Variants in TRPC6 observed in about 807,000 individuals in gnomAD.
TRPC6 encodes the protein short transient receptor potential channel 6.
TRPC6 carries 55 observed loss-of-function variants against 90.7 expected under a neutral mutation model. The observed-to-expected ratio is 0.61, with a 90% CI of 0.49 to 0.76. The LOEUF is 0.76. Ranked by LOEUF, TRPC6 falls within the 30% of genes least tolerant of loss-of-function variation. TRPC6 has a pLI of 0.00. For missense variants in TRPC6, 989 were observed against 1,122.7 expected, an observed-to-expected ratio of 0.88 and a Z score of 1.70; for synonymous variants, 393 against 393.0, an observed-to-expected ratio of 1.00 and a Z score of 0.00.
At chr11:101,494,709 C>T (rs778594500) in intron 2 of TRPC6, among the ~76,000 whole-genome samples, 1 of 152,034 alleles carries the variant, frequency 6.6e-6, no homozygotes, top group Non-Finnish European at 1.5e-5. Context: ...AAAGCAGAAC[C>T]CACATGGACT....
chr11:101,505,179 G>A (rs1465085966), intron 1 of TRPC6, among the ~76,000 whole-genome samples: 1 of 152,150 alleles, frequency 6.6e-6, no homozygotes, highest in Non-Finnish European at 1.5e-5. Flanking sequence ...TACATTTTAA[G>A]AAGTAGAGAC....
chr11:101,563,446 T>C (rs937174738), intron 1 of TRPC6, among the ~76,000 whole-genome samples: 1 of 152,138 alleles, frequency 6.6e-6, no homozygotes, highest in Admixed American at 6.5e-5. Flanking sequence ...GATAGAAAAC[T>C]GAAGCTTAAG....
At position 101,469,920 on chromosome 11, in the gene TRPC6, T is replaced by C. The variant is rs148127012; in HGVS notation, c.2410-419A>G. Among the ~76,000 whole-genome samples the C allele has an allele frequency of 2.5e-3, 380 of 152,332 alleles. 2 individuals are homozygous for C. Among genetic ancestry groups the C allele is most frequent in the African/African-American group, 8.8e-3 (367 of 41,584 alleles). ...TGAGTTGATCTTCAGGATGTAGATATAATTTTTTTCACATATTACAGTTGA... is the reference window on the plus strand; with the variant it reads ...TGAGTTGATCTTCAGGATGTAGATACAATTTTTTTCACATATTACAGTTGA... On this transcript the variant is annotated intron_variant, in intron 9 of 12. Coordinates refer to ENST00000344327, the MANE Select transcript of TRPC6 (RefSeq NM_004621.6).
In TRPC6 at chr11:101,483,924, G is replaced by T. The variant is rs139881068; in HGVS notation, c.1294-759C>A. The stretch of plus-strand genomic sequence containing the variant: ...GTACACGATTCATCTCTGTCTAAGA[G>T]GTACAGATCTTCACCTAGGCAGAGT... On this transcript the variant is annotated intron_variant, in intron 4 of 12. Coordinates refer to ENST00000344327, the MANE Select transcript of TRPC6 (RefSeq NM_004621.6). Among the ~76,000 whole-genome samples the T allele has an allele frequency of 5.3e-3, 813 of 152,224 alleles. 3 individuals are homozygous for T. The highest frequency in any genetic ancestry group is 0.019 in the African/African-American group (774 of 41,516).
chr11:101,551,759 A>G (rs1040665261), intron 1 of TRPC6, among the ~76,000 whole-genome samples: 1 of 152,104 alleles, frequency 6.6e-6, no homozygotes, highest in Non-Finnish European at 1.5e-5. Context: ...GATCCAAACT[A>G]TATTTTCAAG....
intron 1 of TRPC6, among the ~76,000 whole-genome samples, chr11:101,573,695 AT>A (rs1862011530): frequency 6.6e-6 from 1 of 152,174 alleles, no homozygotes; most frequent in South Asian, 2.1e-4. Context: ...TGTAAGACAC[AT>A]ATTTCTCCCA....
chr11:101,560,420 A>G (rs1246938258), intron 1 of TRPC6, among the ~76,000 whole-genome samples: 1 of 151,970 alleles, frequency 6.6e-6, no homozygotes, highest in Non-Finnish European at 1.5e-5. Context: ...TATGTCCCCA[A>G]CCCTCCTTTA....
At chr11:101,473,938 AGTT>A (rs1234223695) in intron 6 of TRPC6, among the ~76,000 whole-genome samples, 165 bp from the exon 7 acceptor site, 1 of 152,148 alleles carries the variant, frequency 6.6e-6, no homozygotes, top group Non-Finnish European at 1.5e-5. Context: ...TGAGCTTCTT[AGTT>A]TATTGAGAAC....
intron 1 of TRPC6, among the ~76,000 whole-genome samples, chr11:101,533,010 A>G (rs1174049820): frequency 6.6e-6 from 1 of 152,164 alleles, no homozygotes; most frequent in Admixed American, 6.5e-5. Context: ...GACATTCAAC[A>G]GTGCCATGGT....
intron 1 of TRPC6, among the ~76,000 whole-genome samples, chr11:101,575,541 C>T (rs4406798): frequency 0.35 from 53,143 of 151,960 alleles, 10,123 homozygotes; most frequent in Non-Finnish European, 0.44. Flanking sequence ...GTTTGTGATA[C>T]GGATTAAATG....
At chr11:101,563,396 C>G (rs1861757582) in intron 1 of TRPC6, among the ~76,000 whole-genome samples, 1 of 152,128 alleles carries the variant, frequency 6.6e-6, no homozygotes. Flanking sequence ...ACGTGTCTGT[C>G]TTTTCCCATG....
At position 101,504,812 on chromosome 11, in the gene TRPC6, GAA is replaced by G; in HGVS notation, c.171-16_171-15del. On this transcript the variant is annotated splice_polypyrimidine_tract_variant and intron_variant, in intron 1 of 12. Coordinates refer to ENST00000344327, the MANE Select transcript of TRPC6 (RefSeq NM_004621.6). ...TCAGATCCCCGGCTGCAATAAAACA[GAA>G]AGATTGTAAACAAATCACATTAAGA... is the stretch of plus-strand genomic sequence containing the variant. The G allele has an allele frequency of 6.2e-7, 1 of 1,611,256 alleles. No homozygotes were observed. The highest frequency in any genetic ancestry group is 8.5e-7 in the Non-Finnish European group (1 of 1,178,850).
At position 101,452,329 on chromosome 11, in the gene TRPC6, A is replaced by AG. The variant is rs1858781972; in HGVS notation, c.*625dup. 6.5e-6 allele frequency: 1 copy of AG among 153,360 alleles called. No individual in the cohort carries two copies. Among genetic ancestry groups the AG allele is most frequent in the African/African-American group, 2.4e-5 (1 of 41,448 alleles). 9.5% of individuals were successfully genotyped at this position (153,360 alleles called of 1,614,324 possible). A position where few individuals can be genotyped will look rare whatever the true frequency, so the allele number is the denominator to read the frequency against. On this transcript the variant is annotated 3_prime_UTR_variant, in exon 13 of 13. Coordinates refer to ENST00000344327, the MANE Select transcript of TRPC6 (RefSeq NM_004621.6). ...GGACCATGTTTCCAGGGTTCAGTGGAGGAAAAACTTTTTTCATTGTTAAGT... is the reference window on the plus strand; with the variant it reads ...GGACCATGTTTCCAGGGTTCAGTGGAGGGAAAAACTTTTTTCATTGTTAAGT...
intron 5 of TRPC6, among the ~76,000 whole-genome samples, chr11:101,479,003 T>G (rs918109001): frequency 1.3e-5 from 2 of 152,154 alleles, no homozygotes; most frequent in African/African-American, 4.8e-5. Context: ...AAGTCGTCAC[T>G]TTGTCTTCTT....
intron 1 of TRPC6, among the ~76,000 whole-genome samples, chr11:101,514,139 C>T (rs546310177): frequency 1.3e-5 from 2 of 152,078 alleles, no homozygotes; most frequent in Admixed American, 6.6e-5. Flanking sequence ...TCACACCCAC[C>T]ACCACCACCG....
chr11:101,512,850 G>A (rs945978114), intron 1 of TRPC6, among the ~76,000 whole-genome samples: 4 of 152,006 alleles, frequency 2.6e-5, no homozygotes, highest in Admixed American at 2.6e-4. Context: ...ACCAATGACT[G>A]CCATAATCAT....
At chr11:101,495,591 AATTATTATTATTATTATT>A (rs199580955) in intron 2 of TRPC6, among the ~76,000 whole-genome samples, 30 of 141,900 alleles carry the variant, frequency 2.1e-4, no homozygotes, top group Admixed American at 2.8e-4. Context: ...GATCAATGGT[AATTATTATTATTATTATT>A]ATTATTATTA....
chr11:101,485,995 AT>A (rs1432913649), intron 4 of TRPC6, among the ~76,000 whole-genome samples: 1 of 151,802 alleles, frequency 6.6e-6, no homozygotes, highest in Non-Finnish European at 1.5e-5. Flanking sequence ...CTCTTCCTTT[AT>A]TTTATTCTAA....
At chr11:101,551,199 T>A (rs904527161) in intron 1 of TRPC6, among the ~76,000 whole-genome samples, 10 of 151,944 alleles carry the variant, frequency 6.6e-5, no homozygotes, top group Non-Finnish European at 1.5e-4. Context: ...TCAAACTTCC[T>A]GGAAATGAGT....
Sources: allele counts gnomAD v4.1 joint callset (sites outside exome capture counted in the v4.1 genomes callset), GRCh38; gene constraint gnomAD v4.1.1; transcripts MANE v1.5; gene names NCBI Gene and HGNC (gene_info 2026-07-23, HGNC 2026-07-21).